FAM186A: variants seen among roughly 807,000 people sequenced by gnomAD.
The protein encoded by FAM186A is protein FAM186A.
FAM186A carries 163 observed loss-of-function variants against 216.8 expected under a neutral mutation model. The ratio of observed to expected loss-of-function variants is 0.75; its 90% CI spans 0.66 to 0.86. FAM186A has a LOEUF of 0.86. Ranked by LOEUF, FAM186A falls within the 40% of genes least tolerant of loss-of-function variation. The pLI is 0.00. For synonymous variants in FAM186A, 805 were observed against 1,025.3 expected (o/e 0.79, Z 4.10); for missense variants, 2,184 against 2,746.2 (o/e 0.80, Z 4.58).
intron 1 of FAM186A, among the ~76,000 whole-genome samples, chr12:50,372,932 AGAAG>A (rs1236094082): frequency 2.7e-4 from 37 of 139,318 alleles, no homozygotes; most frequent in African/African-American, 7.0e-4. Flanking sequence ...AAAGAAAGAA[AGAAG>A]GAAGGAAGGA....
At chr12:50,366,498 G>C (rs1943088807) in intron 1 of FAM186A, among the ~76,000 whole-genome samples, 1 of 151,986 alleles carries the variant, frequency 6.6e-6, no homozygotes, top group South Asian at 2.1e-4. Context: ...CAAAATACTA[G>C]TGAACAGAAT....
intron 1 of FAM186A, among the ~76,000 whole-genome samples, chr12:50,370,215 A>T (rs1943131357): frequency 6.6e-6 from 1 of 151,176 alleles, no homozygotes; most frequent in Non-Finnish European, 1.5e-5. Flanking sequence ...GAGGCACAAG[A>T]ATCACTTGAG....
At chr12:50,343,681 C>A (rs1942785582) in intron 4 of FAM186A, among the ~76,000 whole-genome samples, 1 of 152,168 alleles carries the variant, frequency 6.6e-6, no homozygotes. Context: ...TGCAGTGGTG[C>A]AATCTCGGCT....
At chr12:50,365,959 A>G (rs983326896) in intron 1 of FAM186A, 1 of 767,058 alleles carries the variant, frequency 1.3e-6, no homozygotes, top group Non-Finnish European at 2.4e-6. Flanking sequence ...CGCCCCAGCA[A>G]GGTGGGTATC....
intron 1 of FAM186A, among the ~76,000 whole-genome samples, chr12:50,369,889 C>T (rs1342321036): frequency 6.6e-6 from 1 of 151,856 alleles, no homozygotes; most frequent in Non-Finnish European, 1.5e-5. Context: ...CTTTGGGAGG[C>T]CGAGGAGGGT....
At chr12:50,345,112 G>A (rs950061252) in intron 4 of FAM186A, among the ~76,000 whole-genome samples, 1 of 151,746 alleles carries the variant, frequency 6.6e-6, no homozygotes, top group Non-Finnish European at 1.5e-5. Context: ...ATTAGCCAGG[G>A]GTGGGCAACA....
chr12:50,365,995 G>A (rs1186173111), intron 1 of FAM186A: 7 of 765,918 alleles, frequency 9.1e-6, no homozygotes, highest in Middle Eastern at 2.9e-4. Context: ...GACAAAGACC[G>A]CAAAAAGATC....
intron 2 of FAM186A, among the ~76,000 whole-genome samples, chr12:50,361,974 T>A (rs541833946): frequency 6.6e-6 from 1 of 152,028 alleles, no homozygotes; most frequent in Non-Finnish European, 1.5e-5. Context: ...TTGTTGTTGT[T>A]GTTTTTGTTG....
chr12:50,383,386 G>A (rs1333192031), intron 1 of FAM186A, among the ~76,000 whole-genome samples: 1 of 150,288 alleles, frequency 6.7e-6, no homozygotes, highest in African/African-American at 2.4e-5. Context: ...CATGAAGTCA[G>A]GAGTCTGAGA....
At chr12:50,337,286 A>ATT (rs1415084919) in intron 4 of FAM186A, among the ~76,000 whole-genome samples, 2 of 109,448 alleles carry the variant, frequency 1.8e-5, no homozygotes, top group African/African-American at 7.5e-5. Context: ...TTTAGAGATA[A>ATT]TTCTTTTTTT....
At chr12:50,346,237 A>AGAAAGAAAG (rs1555215381) in intron 4 of FAM186A, among the ~76,000 whole-genome samples, 1 of 102,184 alleles carries the variant, frequency 9.8e-6, no homozygotes, top group East Asian at 3.3e-4. Context: ...AAGAAAGAAA[A>AGAAAGAAAG]AAAGAAAGAA....
chr12:50,373,814 G>A (rs922107702), intron 1 of FAM186A, among the ~76,000 whole-genome samples: 5 of 151,948 alleles, frequency 3.3e-5, no homozygotes, highest in Admixed American at 1.3e-4. Flanking sequence ...TATACCCAAG[G>A]GATTATAAAT....
chr12:50,395,557 A>G (rs1943404705), intron 1 of FAM186A, among the ~76,000 whole-genome samples: 1 of 152,014 alleles, frequency 6.6e-6, no homozygotes, highest in African/African-American at 2.4e-5. Context: ...GGATCCTCCC[A>G]TCTCAGCTTC....
At position 50,334,053 on chromosome 12, in the gene FAM186A, T is replaced by C. The variant is rs757497594; in HGVS notation, c.6554A>G (p.Tyr2185Cys). The part of the protein sequence containing the change: ...LKAIQNTGKG[Y>C]EARNLHMMLS... ...CATCATGTGGAGGTTCCTGGCCTCA[T>C]AGCCTTTCCCAGTATTTTGGATGGC... Residue 2185 changes from tyrosine to cysteine, a missense_variant, in exon 5 of 8, where the codon TAT becomes TGT. Tyr to Cys is a radical substitution (Grantham distance 194). Coordinates refer to ENST00000327337, the MANE Select transcript of FAM186A (RefSeq NM_001145475.3). The C allele has an allele frequency of 3.9e-6, 6 of 1,551,100 alleles. No homozygotes were observed. In the South Asian group the frequency reaches 6.0e-5, roughly 15 times the overall value.
intron 4 of FAM186A, 72 bp from the exon 5 acceptor site, chr12:50,334,175 CTT>C (rs373248920): frequency 8.2e-4 from 817 of 994,984 alleles, no homozygotes; most frequent in South Asian, 1.4e-3. Context: ...TCCTCAGTTT[CTT>C]TTTTTTTTTT....
In FAM186A at chr12:50,333,959, C is replaced by T; in HGVS notation, c.6648G>A (p.Gly2216=). 6.4e-7 allele frequency: 1 copy of T among 1,551,644 alleles called. No homozygotes were observed. The highest frequency in any genetic ancestry group is 8.7e-7 in the Non-Finnish European group (1 of 1,146,994). The part of the protein sequence containing the change: ...QVWTEKQKSL[G]QKRNQCLKKM... ...TCTTCAGGCACTGATTCCGTTTCTGCCCTAGAGACTTCTGCTTCTCAGTCC... is the reference window on the plus strand; with the variant it reads ...TCTTCAGGCACTGATTCCGTTTCTGTCCTAGAGACTTCTGCTTCTCAGTCC... Residue 2216 remains glycine, a synonymous_variant, in exon 5 of 8, where the codon GGG becomes GGA. Transcript: ENST00000327337.
chr12:50,383,327 C>T (rs866939694), intron 1 of FAM186A, among the ~76,000 whole-genome samples: 4 of 142,486 alleles, frequency 2.8e-5, no homozygotes, highest in East Asian at 2.2e-4. Flanking sequence ...CGGTGGCTCA[C>T]GCCTATAACC....
chr12:50,383,029 C>T (rs1472178714), intron 1 of FAM186A, among the ~76,000 whole-genome samples: 1 of 151,662 alleles, frequency 6.6e-6, no homozygotes, highest in South Asian at 2.1e-4. Context: ...CCAGCCTGGA[C>T]AACATGGAGA....
intron 4 of FAM186A, among the ~76,000 whole-genome samples, chr12:50,340,942 G>A (rs1942757221): frequency 6.6e-6 from 1 of 151,944 alleles, no homozygotes; most frequent in Non-Finnish European, 1.5e-5. Flanking sequence ...CATTACAGGT[G>A]CACGCCATCA....
Sources: gnomAD v4.1 joint callset for allele counts (sites outside exome capture counted in the v4.1 genomes callset) on GRCh38, gnomAD v4.1.1 for gene constraint, MANE v1.5 for transcripts, NCBI Gene and HGNC (gene_info 2026-07-23, HGNC 2026-07-21) for gene names.